Variants in CIDEC observed in about 807,000 individuals in gnomAD.
CIDEC encodes lipid transferase CIDEC.
CIDEC carries 11 observed loss-of-function variants against 21.9 expected under a neutral mutation model. The ratio of observed to expected loss-of-function variants is 0.50; its 90% confidence interval spans 0.32 to 0.83. The LOEUF (loss-of-function observed/expected upper bound fraction) is 0.83. CIDEC is among the 40% of genes least tolerant of loss of function. CIDEC has a pLI of 0.04. For missense variants in CIDEC, 302 were observed against 302.3 expected (o/e 1.00, Z 0.01); for synonymous variants, 127 against 124.9 (o/e 1.02, Z -0.11).
chr3:9,876,324 A>G (rs1348502907), intron 4 of CIDEC, among the ~76,000 whole-genome samples: 1 of 152,040 alleles, frequency 6.6e-6, no homozygotes, highest in Non-Finnish European at 1.5e-5. Flanking sequence ...AAATACAAAA[A>G]TTAACTGGGC....
rs2082486523 is a variant in CIDEC at position 9,880,233 on chromosome 3, A to C, written c.-148T>G. On this transcript the variant is annotated 5_prime_UTR_variant, in exon 1 of 7. Transcript: ENST00000336832. Reference sequence around the variant, plus strand: ...ATAACAAACTCCTTACCTCCCCCTCACAGCCTCCTGGAAATACTGCCCTGT... The same window carrying C: ...ATAACAAACTCCTTACCTCCCCCTCCCAGCCTCCTGGAAATACTGCCCTGT... 1 of 151,908 alleles carries C rather than the reference A, an allele frequency of 6.6e-6. No individual in the cohort carries two copies. Among genetic ancestry groups the C allele is most frequent in the African/African-American group, 2.4e-5 (1 of 41,346 alleles). 9.4% of individuals were successfully genotyped at this position (151,908 alleles called of 1,614,324 possible). A position where few individuals can be genotyped will look rare whatever the true frequency, so the allele number is the denominator to read the frequency against.
intron 6 of CIDEC, 93 bp from the exon 7 acceptor site, chr3:9,867,389 G>A (rs1240590261): frequency 2.2e-6 from 3 of 1,361,228 alleles, no homozygotes; most frequent in Non-Finnish European, 3.1e-6. Context: ...GGAGGCCATG[G>A]AGGGCGGGTA....
chr3:9,873,948 A>G (rs2125048127), intron 4 of CIDEC, among the ~76,000 whole-genome samples: 1 of 152,258 alleles, frequency 6.6e-6, no homozygotes, highest in South Asian at 2.1e-4. Flanking sequence ...ATAGCAATGA[A>G]CATATCTAGC....
In CIDEC at chr3:9,877,049, C is replaced by A. The variant is rs776144628; in HGVS notation, c.207+17G>T. On this transcript the variant is annotated intron_variant, in intron 4 of 6. Coordinates refer to ENST00000336832, the MANE Select transcript of CIDEC (RefSeq NM_001321142.2). Reference sequence around the variant, plus strand: ...CCCAGCTCACAGCTGGGCTGTGCAACGCGCAGGTGCTCTCACCTTGAGGAG... The same window carrying A: ...CCCAGCTCACAGCTGGGCTGTGCAAAGCGCAGGTGCTCTCACCTTGAGGAG... The A allele has an allele frequency of 2.6e-6, 4 of 1,548,212 alleles. No homozygotes were observed. The highest frequency in any genetic ancestry group is 3.5e-6 in the Non-Finnish European group (4 of 1,143,734).
chr3:9,869,786 G>T, intron 6 of CIDEC, 96 bp downstream of exon 6: 1 of 1,175,860 alleles, frequency 8.5e-7, no homozygotes, highest in South Asian at 1.3e-5. Context: ...ACCAAAGCCA[G>T]ACCCAGGCGC....
intron 6 of CIDEC, among the ~76,000 whole-genome samples, 190 bp downstream of exon 6, chr3:9,869,692 C>A (rs1429147930): frequency 1.3e-5 from 2 of 152,210 alleles, no homozygotes; most frequent in Non-Finnish European, 2.9e-5. Flanking sequence ...CACGTGCACC[C>A]CTGGGCACAC....
intron 3 of CIDEC, 80 bp downstream of exon 3, chr3:9,878,354 T>C: frequency 9.6e-7 from 1 of 1,047,080 alleles, no homozygotes; most frequent in Non-Finnish European, 1.5e-6. Flanking sequence ...CTGTGACCTG[T>C]ATACCCATTA....
intron 4 of CIDEC, 179 bp from the exon 5 acceptor site, chr3:9,870,501 T>G (rs965147265): frequency 2.0e-6 from 3 of 1,506,494 alleles, no homozygotes; most frequent in East Asian, 2.5e-5. Flanking sequence ...CAATAAAATA[T>G]AATGTAAGTC....
At chr3:9,878,371 G>T in intron 3 of CIDEC, 63 bp downstream of exon 3, 1 of 1,246,002 alleles carries the variant, frequency 8.0e-7, no homozygotes, top group Non-Finnish European at 1.2e-6. Flanking sequence ...ATTAAAGTTT[G>T]AGAAGTTCTG....
At chr3:9,873,477 G>A (rs951391020) in intron 4 of CIDEC, among the ~76,000 whole-genome samples, 8 of 152,188 alleles carry the variant, frequency 5.3e-5, no homozygotes, top group African/African-American at 1.4e-4. Flanking sequence ...TTAGCCAGGC[G>A]TGGTGGCAGG....
chr3:9,869,598 C>T (rs552646628), intron 6 of CIDEC, among the ~76,000 whole-genome samples: 1 of 152,302 alleles, frequency 6.6e-6, no homozygotes, highest in East Asian at 1.9e-4. Context: ...CTTAGGAAAA[C>T]TTCCTATTTC....
At position 9,867,023 on chromosome 3, in the gene CIDEC, G is replaced by A; in HGVS notation, c.*111C>T. On this transcript the variant is annotated 3_prime_UTR_variant, in exon 7 of 7. Transcript: ENST00000336832. ...ACTCAGGGTCCTGCGCGGTGAGGGAGGTGTGGGGAGGTTCGCGGCTCTACA... is the reference window on the plus strand; with the variant it reads ...ACTCAGGGTCCTGCGCGGTGAGGGAAGTGTGGGGAGGTTCGCGGCTCTACA... 1 of 1,163,928 alleles carries A rather than the reference G, an allele frequency of 8.6e-7. No homozygotes were observed. The highest frequency in any genetic ancestry group is 1.3e-6 in the Non-Finnish European group (1 of 771,244). The allele number at this position is 1,163,928 out of a possible 1,614,324, so 72.1% of individuals were successfully genotyped here. A position where few individuals can be genotyped will look rare whatever the true frequency, so the allele number is the denominator to read the frequency against.
chr3:9,879,161 A>ATTTTTTTTTTT (rs56881276), intron 1 of CIDEC, 107 bp from the exon 2 acceptor site: 40 of 145,470 alleles, frequency 2.7e-4, no homozygotes, highest in African/African-American at 9.6e-4. Flanking sequence ...CAGGAGCTGA[A>ATTTTTTTTTTT]TTTTTTTTTT....
At chr3:9,871,068 A>T (rs1411491981) in intron 4 of CIDEC, among the ~76,000 whole-genome samples, 3 of 151,682 alleles carry the variant, frequency 2.0e-5, no homozygotes, top group African/African-American at 7.3e-5. Flanking sequence ...TAATGCTGCT[A>T]TGAGTTTTTG....
intron 1 of CIDEC, among the ~76,000 whole-genome samples, chr3:9,879,483 T>A (rs1217380687): frequency 1.3e-5 from 2 of 152,078 alleles, no homozygotes; most frequent in Non-Finnish European, 2.9e-5. Flanking sequence ...AGGAGCTGTA[T>A]TTTTTACTTT....
chr3:9,878,281 G>C, intron 3 of CIDEC, 153 bp downstream of exon 3: 1 of 704,600 alleles, frequency 1.4e-6, no homozygotes. Flanking sequence ...CTTCTTGGCA[G>C]TGCAAAATCT....
At chr3:9,878,684 A>G in intron 2 of CIDEC, 173 bp from the exon 3 acceptor site, 1 of 1,463,672 alleles carries the variant, frequency 6.8e-7, no homozygotes, top group Non-Finnish European at 9.3e-7. Context: ...ATGCATGCCA[A>G]CCAAGACCAA....
rs1056942093 is a variant in CIDEC at position 9,866,989 on chromosome 3, C to T, written c.*145G>A. 12 of 927,788 alleles carry T rather than the reference C, an allele frequency of 1.3e-5. No individual in the cohort carries two copies. The African/African-American group carries it at 1.3e-4, about 10-fold the overall frequency. 57.5% of individuals were successfully genotyped at this position (927,788 alleles called of 1,614,324 possible). On this transcript the variant is annotated 3_prime_UTR_variant, in exon 7 of 7. Coordinates refer to ENST00000336832, the MANE Select transcript of CIDEC (RefSeq NM_001321142.2). ...CCAACCCACCCCAGGTTTCCAGCTC[C>T]TCCTCCTCACTCAGGGTCCTGCGCG...
rs573510278 is a variant in CIDEC, at chr3:9,872,751, G to C, written c.208-2429C>G. Reference sequence around the variant, plus strand: ...GCCTGTAATCCTAGCACTTTAGGAGGCAAAGTCAGGTGGATCACCTGAGGT... The same window carrying C: ...GCCTGTAATCCTAGCACTTTAGGAGCCAAAGTCAGGTGGATCACCTGAGGT... On this transcript the variant is annotated intron_variant, in intron 4 of 6. Coordinates refer to ENST00000336832, the MANE Select transcript of CIDEC (RefSeq NM_001321142.2). Among the ~76,000 whole-genome samples the C allele has an allele frequency of 1.5e-4, 23 of 152,232 alleles. No individual in the cohort carries two copies. The East Asian group carries it at 2.9e-3, about 19-fold the overall frequency.
Sources: gnomAD v4.1 joint callset for allele counts (sites outside exome capture counted in the v4.1 genomes callset) on GRCh38, gnomAD v4.1.1 for gene constraint, MANE v1.5 for transcripts, NCBI Gene and HGNC (gene_info 2026-07-23, HGNC 2026-07-21) for gene names.